PTPN11: variants seen among roughly 807,000 people sequenced by gnomAD.
PTPN11 encodes the protein protein tyrosine phosphatase non-receptor type 11.
Under a neutral mutation model 78.8 loss-of-function variants are expected in PTPN11, and 6 were observed. That is an observed-to-expected ratio of 0.08 (90% CI 0.04 to 0.15). The LOEUF is 0.15. PTPN11 is among the 10% of genes least tolerant of loss of function. The pLI is 1.00. For synonymous variants in PTPN11, 221 were observed against 263.5 expected (o/e 0.84, Z 1.56); for missense variants, 386 against 744.8 (o/e 0.52, Z 5.61).
At chr12:112,474,783 T>C (rs998839052) in intron 7 of PTPN11, among the ~76,000 whole-genome samples, 6 of 151,916 alleles carry the variant, frequency 3.9e-5, no homozygotes, top group Admixed American at 6.6e-5. Flanking sequence ...GCCCAGCTAA[T>C]TTTTGTATTT....
chr12:112,454,412 AC>A, intron 4 of PTPN11, 151 bp from the exon 5 acceptor site: 1 of 712,364 alleles, frequency 1.4e-6, no homozygotes, highest in Middle Eastern at 3.8e-4. Flanking sequence ...GAGCCACTGC[AC>A]CCAGCCTATT....
chr12:112,446,755 T>A (rs1020266584), intron 2 of PTPN11, among the ~76,000 whole-genome samples: 13 of 151,864 alleles, frequency 8.6e-5, no homozygotes, highest in East Asian at 3.9e-4. Context: ...TTTTTTTTTT[T>A]AAATAGAGGT....
At chr12:112,476,939 C>T (rs1215966109) in intron 7 of PTPN11, among the ~76,000 whole-genome samples, 4 of 152,146 alleles carry the variant, frequency 2.6e-5, no homozygotes, top group Admixed American at 6.6e-5. Flanking sequence ...ATCCACATCT[C>T]CTCTCTCCTT....
chr12:112,444,334 T>C (rs2037955886), intron 1 of PTPN11, among the ~76,000 whole-genome samples: 1 of 152,068 alleles, frequency 6.6e-6, no homozygotes, highest in Admixed American at 6.6e-5. Flanking sequence ...CATATGGTAC[T>C]TCCAAGTTTT....
chr12:112,463,165 G>T (rs2038274859), intron 6 of PTPN11, among the ~76,000 whole-genome samples: 1 of 151,376 alleles, frequency 6.6e-6, no homozygotes, highest in African/African-American at 2.4e-5. Context: ...AAATGACTGT[G>T]AACTTAAAAA....
In PTPN11 at chr12:112,427,759, T is replaced by G. The variant is rs182354423; in HGVS notation, c.14+8634T>G. ...TTTTTTTATTTTTATTTTTATTTAT[T>G]TATTTTTTTTGAGACAAGGTCTTGC... On this transcript the variant is annotated intron_variant, in intron 1 of 15. Coordinates refer to ENST00000351677, the MANE Select transcript of PTPN11 (RefSeq NM_002834.5). Among the ~76,000 whole-genome samples, 3 of 151,878 alleles carry G rather than the reference T, an allele frequency of 2.0e-5. No homozygotes were observed. The East Asian group carries it at 5.8e-4, about 29-fold the overall frequency.
chr12:112,462,355 TA>T (rs1019689722), intron 6 of PTPN11, among the ~76,000 whole-genome samples: 61 of 146,978 alleles, frequency 4.2e-4, no homozygotes, highest in Admixed American at 1.0e-3. Flanking sequence ...ACCCTGTTTT[TA>T]AAAAAAAAAA....
intron 1 of PTPN11, among the ~76,000 whole-genome samples, chr12:112,444,757 G>T (rs2037964435): frequency 2.0e-5 from 3 of 152,088 alleles, no homozygotes; most frequent in African/African-American, 7.2e-5. Flanking sequence ...TTATTTTGAG[G>T]TACAAATTGT....
chr12:112,419,343 G>A (rs1251092818), intron 1 of PTPN11, among the ~76,000 whole-genome samples: 4 of 151,966 alleles, frequency 2.6e-5, no homozygotes, highest in Non-Finnish European at 5.9e-5. Context: ...CTGCCTCCCC[G>A]AGTTCCGGCT....
At chr12:112,457,407 C>T (rs147509539) in intron 6 of PTPN11, 91 of 212,604 alleles carry the variant, frequency 4.3e-4, no homozygotes, top group East Asian at 7.1e-4. Flanking sequence ...TTTCTTTATC[C>T]GGTCTATCAT....
chr12:112,443,547 G>C (rs2037942968), intron 1 of PTPN11, among the ~76,000 whole-genome samples: 1 of 151,874 alleles, frequency 6.6e-6, no homozygotes, highest in Admixed American at 6.6e-5. Flanking sequence ...TGTGAGACGG[G>C]GTTTTGCCAT....
In PTPN11 at chr12:112,509,036, A is replaced by G. The variant is rs763237386; in HGVS notation, c.*3244A>G. On this transcript the variant is annotated 3_prime_UTR_variant, in exon 16 of 16. Coordinates refer to ENST00000351677, the MANE Select transcript of PTPN11 (RefSeq NM_002834.5). ...AGTGTTTTGTTGTAGCTTAGTATCCATAAGGGAAACTTAGACTATAGACAT... is the reference window on the plus strand; with the variant it reads ...AGTGTTTTGTTGTAGCTTAGTATCCGTAAGGGAAACTTAGACTATAGACAT... 1 of 152,242 alleles carries G rather than the reference A, an allele frequency of 6.6e-6. No homozygotes were observed. Among genetic ancestry groups the G allele is most frequent in the Non-Finnish European group, 1.5e-5 (1 of 68,052 alleles). The allele number at this position is 152,242 out of a possible 1,614,324, so 9.4% of individuals were successfully genotyped here.
intron 1 of PTPN11, among the ~76,000 whole-genome samples, chr12:112,427,166 A>G (rs572114741): frequency 7.0e-4 from 107 of 151,968 alleles, no homozygotes; most frequent in Non-Finnish European, 1.4e-3. Context: ...GAATTGCTTG[A>G]ACCTGGAAGG....
intron 13 of PTPN11, among the ~76,000 whole-genome samples, chr12:112,498,996 G>T (rs1468478026): frequency 3.9e-5 from 6 of 152,192 alleles, no homozygotes; most frequent in African/African-American, 1.4e-4. Context: ...ATCACTTTAT[G>T]TATTAATAGA....
intron 5 of PTPN11, 42 bp downstream of exon 5, chr12:112,454,722 A>AGGCCGGGCGCGGTGGCTC: frequency 2.1e-6 from 3 of 1,458,110 alleles, no homozygotes; most frequent in Non-Finnish European, 2.9e-6. Flanking sequence ...TTAAAAACTT[A>AGGCCGGGCGCGGTGGCTC]AAACAAATCC....
chr12:112,419,374 C>G (rs2037481739), intron 1 of PTPN11, among the ~76,000 whole-genome samples: 1 of 152,154 alleles, frequency 6.6e-6, no homozygotes, highest in African/African-American at 2.4e-5. Context: ...CGGGGATGCC[C>G]GTCAGGCCCG....
chr12:112,455,697 A>G (rs944434183), intron 5 of PTPN11, among the ~76,000 whole-genome samples: 1 of 152,188 alleles, frequency 6.6e-6, no homozygotes, highest in African/African-American at 2.4e-5. Context: ...TCTATTCATA[A>G]AGAAAAATAG....
intron 13 of PTPN11, among the ~76,000 whole-genome samples, chr12:112,489,382 A>T (rs2038718992): frequency 6.6e-6 from 1 of 152,186 alleles, no homozygotes; most frequent in Non-Finnish European, 1.5e-5. Flanking sequence ...GAGCTTAGGG[A>T]AGGGCACCAT....
At chr12:112,481,215 A>G (rs1222101384) in intron 9 of PTPN11, among the ~76,000 whole-genome samples, 2 of 152,192 alleles carry the variant, frequency 1.3e-5, no homozygotes, top group Non-Finnish European at 2.9e-5. Context: ...TGCGGAAATG[A>G]AACAGACAGT....
Sources: gnomAD v4.1 joint callset for allele counts (sites outside exome capture counted in the v4.1 genomes callset) on GRCh38, gnomAD v4.1.1 for gene constraint, MANE v1.5 for transcripts, NCBI Gene and HGNC (gene_info 2026-07-23, HGNC 2026-07-21) for gene names.